Variants in HAT1 observed in about 807,000 individuals in gnomAD.
The protein encoded by HAT1 is histone acetyltransferase 1, also known as histone acetyltransferase type B catalytic subunit.
In HAT1, 20 loss-of-function variants were observed where a neutral mutation model predicts 56.6. The ratio of observed to expected loss-of-function variants is 0.35; its 90% CI spans 0.25 to 0.51. The LOEUF (loss-of-function observed/expected upper bound fraction) is 0.51, where lower values mean the gene tolerates loss of function less well. HAT1 is among the 20% of genes least tolerant of loss of function. The pLI is 0.95. For synonymous variants in HAT1, 146 were observed against 165.5 expected, an observed-to-expected ratio of 0.88 and a Z score of 0.91; for missense variants, 408 against 504.3, an observed-to-expected ratio of 0.81 and a Z score of 1.83.
At chr2:171,964,139 T>C (rs904037793) in intron 4 of HAT1, among the ~76,000 whole-genome samples, 14 of 152,172 alleles carry the variant, frequency 9.2e-5, no homozygotes, top group African/African-American at 3.4e-4. Context: ...AGTTAAAAGA[T>C]GGTTGAAAGG....
intron 2 of HAT1, among the ~76,000 whole-genome samples, chr2:171,928,888 T>TCAA (rs1574032422): frequency 1.3e-5 from 2 of 152,332 alleles, no homozygotes; most frequent in East Asian, 3.9e-4. Flanking sequence ...TTGAGTTGTT[T>TCAA]CTAGTTTTTG....
chr2:171,929,542 C>A (rs1686685193), intron 2 of HAT1, among the ~76,000 whole-genome samples: 1 of 152,076 alleles, frequency 6.6e-6, no homozygotes, highest in Non-Finnish European at 1.5e-5. Context: ...TCTTTGTCTA[C>A]CCCAAGGAGA....
intron 2 of HAT1, among the ~76,000 whole-genome samples, chr2:171,942,207 A>G (rs1687035462): frequency 6.6e-6 from 1 of 152,142 alleles, no homozygotes; most frequent in Admixed American, 6.6e-5. Flanking sequence ...GCCCAGCTGC[A>G]ACATAGGTTT....
chr2:171,947,516 A>G (rs1291313428), intron 3 of HAT1, among the ~76,000 whole-genome samples: 1 of 151,974 alleles, frequency 6.6e-6, no homozygotes, highest in Non-Finnish European at 1.5e-5. Flanking sequence ...TGCGCCTCCC[A>G]AAGAGCTGGG....
At chr2:171,966,604 T>C (rs1574060912) in intron 7 of HAT1, 91 bp downstream of exon 7, 3 of 731,256 alleles carry the variant, frequency 4.1e-6, no homozygotes, top group East Asian at 5.1e-5. Flanking sequence ...TGTTGATTTG[T>C]TTAAAAAAAA....
At chr2:171,954,546 C>T (rs1467550499) in intron 4 of HAT1, among the ~76,000 whole-genome samples, 8 of 152,048 alleles carry the variant, frequency 5.3e-5, no homozygotes, top group Admixed American at 4.6e-4. Flanking sequence ...ATTAGCTGGG[C>T]GCAGTGGTGC....
At chr2:171,926,890 G>A (rs1462402368) in intron 2 of HAT1, among the ~76,000 whole-genome samples, 1 of 152,212 alleles carries the variant, frequency 6.6e-6, no homozygotes, top group East Asian at 1.9e-4. Context: ...CCAAAAAAAT[G>A]TAAGAAACCC....
intron 10 of HAT1, among the ~76,000 whole-genome samples, chr2:171,982,566 C>T (rs1688158576): frequency 6.6e-6 from 1 of 152,184 alleles, no homozygotes; most frequent in African/African-American, 2.4e-5. Context: ...TATCAGCTAC[C>T]TGTTGCAAAC....
intron 3 of HAT1, among the ~76,000 whole-genome samples, chr2:171,947,650 G>A (rs1428195432): frequency 2.0e-5 from 3 of 152,132 alleles, no homozygotes; most frequent in Non-Finnish European, 2.9e-5. Context: ...AGGCTGAGGC[G>A]GGCAGATTGC....
At chr2:171,935,515 CAAAAAAAA>C (rs56220004) in intron 2 of HAT1, among the ~76,000 whole-genome samples, 15 of 55,652 alleles carry the variant, frequency 2.7e-4, no homozygotes, top group South Asian at 8.8e-4. Flanking sequence ...AACTCCATCT[CAAAAAAAA>C]AAAAAAAAAA....
chr2:171,930,335 A>G (rs936026759), intron 2 of HAT1, among the ~76,000 whole-genome samples: 3 of 151,962 alleles, frequency 2.0e-5, no homozygotes, highest in Non-Finnish European at 4.4e-5. Flanking sequence ...ATGCCTGGCT[A>G]ATTTTTGTAT....
chr2:171,945,071 A>G (rs951789366), intron 2 of HAT1, among the ~76,000 whole-genome samples: 1 of 152,086 alleles, frequency 6.6e-6, no homozygotes, highest in Non-Finnish European at 1.5e-5. Flanking sequence ...GCATTTCACC[A>G]TATTGGTTAG....
intron 4 of HAT1, among the ~76,000 whole-genome samples, chr2:171,955,985 C>T (rs986344577): frequency 2.6e-5 from 4 of 151,850 alleles, no homozygotes; most frequent in Non-Finnish European, 5.9e-5. Context: ...GCGGAGGTTG[C>T]GGTGAGCCGA....
At chr2:171,977,260 G>A (rs1340350930) in intron 9 of HAT1, among the ~76,000 whole-genome samples, 4 of 151,242 alleles carry the variant, frequency 2.6e-5, no homozygotes, top group South Asian at 4.2e-4. Flanking sequence ...TCAGGAGTTC[G>A]AGACCAGCCT....
intron 4 of HAT1, among the ~76,000 whole-genome samples, chr2:171,958,738 A>G (rs1279921965): frequency 6.6e-6 from 1 of 152,236 alleles, no homozygotes; most frequent in East Asian, 1.9e-4. Flanking sequence ...TTTCTTTTGC[A>G]GAAGTAGCAG....
Position 171,983,221 on chromosome 2 carries a change from C to A in HAT1, c.1129C>A (p.Leu377Ile). Residue 377 changes from leucine (L) to isoleucine (I), a missense_variant, in exon 11 of 11, where the codon CTC (leucine) becomes ATC (isoleucine). Physicochemically the swap from Leu to Ile is conservative, Grantham distance 5. Transcript: ENST00000264108. Reference sequence around the variant, plus strand: ...AGATCTTGCTAAGATGAGAAAATGTCTCAGACCAGAAGAACTGACAAACCA... The same window carrying A: ...AGATCTTGCTAAGATGAGAAAATGTATCAGACCAGAAGAACTGACAAACCA... ...QRDLAKMRKCLRPEELTNQMN... is the reference protein window; with the variant it reads ...QRDLAKMRKCIRPEELTNQMN... The A allele has an allele frequency of 6.3e-7, 1 of 1,598,050 alleles. No homozygotes were observed. Among genetic ancestry groups the A allele is most frequent in the African/African-American group, 1.3e-5 (1 of 74,460 alleles).
intron 2 of HAT1, among the ~76,000 whole-genome samples, chr2:171,941,495 C>G (rs941653779): frequency 6.6e-6 from 1 of 152,162 alleles, no homozygotes; most frequent in Non-Finnish European, 1.5e-5. Context: ...AGTCAAACCT[C>G]TCTGCTAACG....
chr2:171,950,361 A>G (rs1032796451), intron 3 of HAT1, among the ~76,000 whole-genome samples: 2 of 150,056 alleles, frequency 1.3e-5, no homozygotes. Flanking sequence ...TTGTAATTTT[A>G]GTAGAGGCGG....
rs1372819127 is a variant in HAT1, at chr2:171,938,298, A to G, written c.113-8410A>G. On this transcript the variant is annotated intron_variant, in intron 2 of 10. Transcript: ENST00000264108. ...AATCATTGCAGGCCCTATGTTCTATATAGCAGCAGTCCCCAACTTTTTTGG... is the reference window on the plus strand; with the variant it reads ...AATCATTGCAGGCCCTATGTTCTATGTAGCAGCAGTCCCCAACTTTTTTGG... 2.0e-5 allele frequency among the ~76,000 whole-genome samples: 3 copies of G among 152,292 alleles called. No individual in the cohort carries two copies. In the East Asian group the frequency reaches 5.8e-4, roughly 29 times the overall value.
Sources: allele counts gnomAD v4.1 joint callset (sites outside exome capture counted in the v4.1 genomes callset), GRCh38; gene constraint gnomAD v4.1.1; transcripts MANE v1.5; gene names NCBI Gene and HGNC (gene_info 2026-07-23, HGNC 2026-07-21).